The following CIMIP6 variants were observed in gnomAD, a reference collection of about 807,000 sequenced individuals.
CIMIP6 encodes the protein ciliary microtubule inner protein 6.
chr2:54,374,172 A>C, the CIMIP6 span, among the ~76,000 whole-genome samples: 2 of 152,096 alleles, frequency 1.3e-5, no homozygotes, highest in African/African-American at 2.4e-5. Flanking sequence ...CTTCTACTCC[A>C]TACTCTCCAT....
chr2:54,373,240 C>T, the CIMIP6 span, among the ~76,000 whole-genome samples: 1 of 152,158 alleles, frequency 6.6e-6, no homozygotes, highest in Admixed American at 6.5e-5. Flanking sequence ...CAGCCACGCT[C>T]CAAGCCCAGC....
the CIMIP6 span, chr2:54,334,777 T>C: frequency 7.6e-7 from 1 of 1,319,696 alleles, no homozygotes; most frequent in Non-Finnish European, 1.0e-6. Flanking sequence ...AATATTTTAA[T>C]GGTTACTGGG....
the CIMIP6 span, among the ~76,000 whole-genome samples, chr2:54,364,277 C>T: frequency 6.6e-6 from 1 of 151,800 alleles, no homozygotes; most frequent in Non-Finnish European, 1.5e-5. Context: ...TTATTATTTC[C>T]AAAGAATGAT....
the CIMIP6 span, among the ~76,000 whole-genome samples, chr2:54,366,292 C>A: frequency 2.0e-5 from 3 of 152,170 alleles, no homozygotes; most frequent in Admixed American, 6.5e-5. Flanking sequence ...AGGTTTTAGC[C>A]ATCTTGCTTA....
the CIMIP6 span, among the ~76,000 whole-genome samples, chr2:54,365,458 C>T: frequency 6.6e-6 from 1 of 152,106 alleles, no homozygotes; most frequent in Admixed American, 6.6e-5. Flanking sequence ...GTTAGCAGAA[C>T]TCATATGCCA....
chr2:54,365,267 C>T, the CIMIP6 span, among the ~76,000 whole-genome samples: 1 of 152,020 alleles, frequency 6.6e-6, no homozygotes, highest in Non-Finnish European at 1.5e-5. Context: ...ACCAAGAAAG[C>T]AACAGAAATA....
At chr2:54,371,075 A>G in the CIMIP6 span, among the ~76,000 whole-genome samples, 1 of 152,216 alleles carries the variant, frequency 6.6e-6, no homozygotes, top group South Asian at 2.1e-4. Flanking sequence ...AAAGCTACAG[A>G]CACTGTTATT....
chr2:54,353,975 T>C, the CIMIP6 span, among the ~76,000 whole-genome samples: 1 of 152,186 alleles, frequency 6.6e-6, no homozygotes, highest in African/African-American at 2.4e-5. Context: ...TTATCTTGAT[T>C]TTATACTTTT....
At chr2:54,370,350 C>A in the CIMIP6 span, among the ~76,000 whole-genome samples, 1 of 152,146 alleles carries the variant, frequency 6.6e-6, no homozygotes, top group South Asian at 2.1e-4. Flanking sequence ...TCCCTGCCAC[C>A]TTTACAAGAG....
the CIMIP6 span, among the ~76,000 whole-genome samples, chr2:54,372,335 G>A: frequency 2.6e-5 from 4 of 152,244 alleles, no homozygotes; most frequent in African/African-American, 4.8e-5. Context: ...ATCTTCAGTC[G>A]GTTGCTGGCA....
At chr2:54,376,682 G>T in the CIMIP6 span, among the ~76,000 whole-genome samples, 2 of 152,204 alleles carry the variant, frequency 1.3e-5, no homozygotes, top group African/African-American at 4.8e-5. Flanking sequence ...AGGATGAGGA[G>T]TAACATGGAG....
At chr2:54,354,967 ACATC>A in the CIMIP6 span, among the ~76,000 whole-genome samples, 2 of 152,142 alleles carry the variant, frequency 1.3e-5, no homozygotes, top group Non-Finnish European at 2.9e-5. Context: ...TATATATCAG[ACATC>A]CTCTTTGATT....
the CIMIP6 span, chr2:54,330,895 G>A: frequency 1.6e-5 from 23 of 1,429,544 alleles, no homozygotes; most frequent in Admixed American, 4.0e-4. Flanking sequence ...CAGTCGCCGC[G>A]CTTTGCGCAC....
At chr2:54,331,056 T>G in the CIMIP6 span, 1 of 1,568,818 alleles carries the variant, frequency 6.4e-7, no homozygotes, top group Non-Finnish European at 8.8e-7. Context: ...TTTTCCTCCT[T>G]CAGGGGGAGG....
At chr2:54,365,559 C>T in the CIMIP6 span, among the ~76,000 whole-genome samples, 1 of 152,072 alleles carries the variant, frequency 6.6e-6, no homozygotes, top group African/African-American at 2.4e-5. Flanking sequence ...ATACAGAAAC[C>T]TCTTGCTTCT....
At chr2:54,374,476 A>G in the CIMIP6 span, among the ~76,000 whole-genome samples, 2 of 152,210 alleles carry the variant, frequency 1.3e-5, no homozygotes, top group Non-Finnish European at 2.9e-5. Flanking sequence ...GGAAAGGAGA[A>G]TTAGGATTTT....
At chr2:54,359,424 C>G in the CIMIP6 span, among the ~76,000 whole-genome samples, 4 of 152,064 alleles carry the variant, frequency 2.6e-5, no homozygotes, top group East Asian at 1.9e-4. Context: ...TTGAATCAGT[C>G]TTTGGAATTT....
the CIMIP6 span, among the ~76,000 whole-genome samples, chr2:54,355,814 A>G: frequency 1.3e-5 from 2 of 152,124 alleles, no homozygotes; most frequent in East Asian, 3.9e-4. Flanking sequence ...TTTGTTCTGT[A>G]TCTTTGAGGA....
chr2:54,360,182 C>T, the CIMIP6 span: 54,901 of 1,525,616 alleles, frequency 0.036, 1,136 homozygotes, highest in Non-Finnish European at 0.041. Context: ...TGGTTAATGT[C>T]GACTTTGTTT....
Sources: allele counts gnomAD v4.1 joint callset (sites outside exome capture counted in the v4.1 genomes callset), GRCh38; gene constraint gnomAD v4.1.1; transcripts MANE v1.5; gene names NCBI Gene and HGNC (gene_info 2026-07-23, HGNC 2026-07-21).